The following CEMIP2 variants were observed in gnomAD, a reference collection of about 807,000 sequenced individuals.
CEMIP2 encodes cell surface hyaluronidase CEMIP2.
A neutral mutation model predicts 146.9 loss-of-function variants in CEMIP2; 79 were observed. The ratio of observed to expected loss-of-function variants is 0.54; its 90% CI spans 0.45 to 0.65. The LOEUF is 0.65. CEMIP2 is among the 30% of genes least tolerant of loss of function. CEMIP2 has a pLI of 0.00. For synonymous variants in CEMIP2, 601 were observed against 606.3 expected (o/e 0.99, Z 0.13); for missense variants, 1,596 against 1,696.2 (o/e 0.94, Z 1.04).
In CEMIP2 at chr9:71,718,041, C is replaced by T. The variant is rs533972465; in HGVS notation, c.2306G>A (p.Arg769His). The change falls in exon 13 of 24, where the codon CGT (arginine) becomes CAT (histidine). Residue 769 changes from arginine (R) to histidine (H), a missense_variant. Transcript: ENST00000377044. Reference sequence around the variant, plus strand: ...GAGCCTGTCAATTAGAGCAGCAACACGTGGTTTTTCGGGGTTTGCATCCTG... The same window carrying T: ...GAGCCTGTCAATTAGAGCAGCAACATGTGGTTTTTCGGGGTTTGCATCCTG... ...PHQDANPEKP[R>H]VAALIDRLIA... 9.3e-6 allele frequency: 15 copies of T among 1,612,458 alleles called. No individual in the cohort carries two copies. Among genetic ancestry groups the T allele is most frequent in the Middle Eastern group, 1.7e-4 (1 of 6,012 alleles).
intron 23 of CEMIP2, 117 bp from the exon 24 acceptor site, chr9:71,685,510 C>T (rs1244359960): frequency 1.6e-6 from 2 of 1,225,320 alleles, no homozygotes; most frequent in Middle Eastern, 2.9e-4. Context: ...TATTAAAAAA[C>T]TCTGCACTTC....
At position 71,698,194 on chromosome 9, in the gene CEMIP2, A is replaced by G; in HGVS notation, c.3388T>C (p.Leu1130=). Residue 1130 remains leucine (L), a synonymous_variant, in exon 20 of 24, where the codon TTG becomes CTG. Transcript: ENST00000377044. ...YFDSSTGLLF[L]YLKAKSHRHG... is the part of the protein sequence containing the mutation. ...CTGTGGCTTTTGGCTTTGAGATACA[A>G]AAACAGTAACCTGCACAAAACAGAA... 6.2e-7 allele frequency: 1 copy of G among 1,614,166 alleles called. No homozygotes were observed. The highest frequency in any genetic ancestry group is 8.5e-7 in the Non-Finnish European group (1 of 1,179,992).
chr9:71,745,561 T>A lies in CEMIP2; in HGVS notation c.491A>T (p.Asp164Val), dbSNP rs146439095. The A allele has an allele frequency of 2.6e-3, 4,107 of 1,606,754 alleles. 12 individuals carry two copies. The highest frequency in any genetic ancestry group is 2.9e-3 in the Non-Finnish European group (3,438 of 1,177,600). ...AATATTTCTGGATCCATCTTTATTG[T>A]CCCCAAATACAAGCAGTCCTGCAGG... is the stretch of plus-strand genomic sequence containing the variant. ...IQDGGLLVFG[D>V]NKDGSRNITL... Residue 164 changes from aspartate (D) to valine (V), a missense_variant, in exon 4 of 24, where the codon GAC becomes GTC. Coordinates refer to ENST00000377044, the MANE Select transcript of CEMIP2 (RefSeq NM_013390.3).
intron 10 of CEMIP2, among the ~76,000 whole-genome samples, chr9:71,728,528 G>A (rs2131960533): frequency 6.6e-6 from 1 of 150,816 alleles, no homozygotes; most frequent in East Asian, 2.0e-4. Context: ...AGCAGTTTTA[G>A]TAACACTAAA....
intron 2 of CEMIP2, among the ~76,000 whole-genome samples, chr9:71,748,623 G>C (rs1824156090): frequency 6.6e-6 from 1 of 152,158 alleles, no homozygotes; most frequent in Non-Finnish European, 1.5e-5. Flanking sequence ...CAGTGAACTT[G>C]GTTATTATGA....
At chr9:71,718,250 T>C (rs1405686719) in intron 12 of CEMIP2, among the ~76,000 whole-genome samples, 171 bp from the exon 13 acceptor site, 1 of 152,216 alleles carries the variant, frequency 6.6e-6, no homozygotes, top group Non-Finnish European at 1.5e-5. Flanking sequence ...ATTACATTTA[T>C]TTAACCACAA....
At chr9:71,715,746 A>G (rs1589141098) in intron 14 of CEMIP2, among the ~76,000 whole-genome samples, 1 of 150,312 alleles carries the variant, frequency 6.7e-6, no homozygotes, top group Non-Finnish European at 1.5e-5. Context: ...CTCAGCCTCC[A>G]GAGTAGCTAA....
intron 5 of CEMIP2, 135 bp downstream of exon 5, chr9:71,739,928 C>G: frequency 1.2e-6 from 1 of 816,788 alleles, no homozygotes; most frequent in Admixed American, 2.8e-5. Context: ...AGTAGGAAAA[C>G]TAAGTTTCAA....
At chr9:71,743,890 G>A (rs963679587) in intron 4 of CEMIP2, among the ~76,000 whole-genome samples, 3 of 152,076 alleles carry the variant, frequency 2.0e-5, no homozygotes, top group Admixed American at 1.3e-4. Context: ...TACTATCAAA[G>A]GAAAAAATAG....
chr9:71,690,122 T>A lies in CEMIP2; in HGVS notation c.3821A>T (p.Glu1274Val). 6.2e-7 allele frequency: 1 copy of A among 1,614,154 alleles called. No homozygotes were observed. ...VFPLADVSRI[E>V]EYLKTGIPPR... ...AGGGATGCCTGTTTTTAAATACTCT[T>A]CAATGCGACTGACATCAGCAAGAGG... Residue 1274 changes from glutamate to valine, a missense_variant, in exon 22 of 24, where the codon GAA (glutamate) becomes GTA (valine). Glu to Val is a moderately radical substitution (Grantham distance 121). Coordinates refer to ENST00000377044, the MANE Select transcript of CEMIP2 (RefSeq NM_013390.3).
intron 18 of CEMIP2, among the ~76,000 whole-genome samples, chr9:71,701,063 C>T (rs1169380033): frequency 1.3e-5 from 2 of 152,160 alleles, no homozygotes; most frequent in Non-Finnish European, 2.9e-5. Context: ...AATAGATATA[C>T]AGCAAAAATA....
chr9:71,697,780 AT>A (rs1279776661), intron 20 of CEMIP2: 1 of 547,740 alleles, frequency 1.8e-6, no homozygotes, highest in African/African-American at 1.9e-5. Flanking sequence ...AAACTGACGT[AT>A]CACAGGGGCA....
In CEMIP2 at chr9:71,685,724, A is replaced by G. The variant is rs2310021; in HGVS notation, c.3955+19T>C. 0.79 allele frequency: 1,254,554 copies of G among 1,597,780 alleles called. 495,534 individuals are homozygous for G. The highest frequency in any genetic ancestry group is 1 in the East Asian group (44,654 of 44,758). ...TTGCTGGCCCTGTAAGAACTTCATG[A>G]AATAATACAAATACAAACCTTTGTC... is the stretch of plus-strand genomic sequence containing the variant. On this transcript the variant is annotated intron_variant, in intron 23 of 23. Coordinates refer to ENST00000377044, the MANE Select transcript of CEMIP2 (RefSeq NM_013390.3).
rs779354523 is a variant in CEMIP2 at position 71,730,931 on chromosome 9, T to C, written c.1564-17A>G. The C allele has an allele frequency of 1.2e-5, 20 of 1,607,766 alleles. No homozygotes were observed. In the South Asian group the frequency reaches 2.1e-4, roughly 17 times the overall value. ...TTTCATTATCTGTAAGTCAAGGTAC[T>C]AAAATCAAACTCATACTTTTCAGAA... On this transcript the variant is annotated splice_polypyrimidine_tract_variant and intron_variant, in intron 7 of 23. Transcript: ENST00000377044.
chr9:71,704,042 A>T (rs1208691729), intron 18 of CEMIP2, among the ~76,000 whole-genome samples: 3 of 152,226 alleles, frequency 2.0e-5, no homozygotes, highest in African/African-American at 7.2e-5. Flanking sequence ...CACTTGAATA[A>T]ATCAATTATA....
intron 1 of CEMIP2, among the ~76,000 whole-genome samples, chr9:71,753,685 T>C (rs1824326774): frequency 6.6e-6 from 1 of 152,032 alleles, no homozygotes; most frequent in Non-Finnish European, 1.5e-5. Flanking sequence ...GCTTCCTCAA[T>C]TTATTCAATT....
intron 7 of CEMIP2, among the ~76,000 whole-genome samples, chr9:71,731,488 G>A (rs1279034873): frequency 6.6e-6 from 1 of 152,080 alleles, no homozygotes; most frequent in African/African-American, 2.4e-5. Context: ...TAGCACTTTG[G>A]GAGGCCAAGG....
At chr9:71,692,833 T>C (rs1204426846) in intron 21 of CEMIP2, among the ~76,000 whole-genome samples, 1 of 151,746 alleles carries the variant, frequency 6.6e-6, no homozygotes, top group Non-Finnish European at 1.5e-5. Flanking sequence ...GCCTGGGAGG[T>C]GGAGGGTGCG....
Position 71,734,990 on chromosome 9 carries a change from A to T in CEMIP2, c.1209T>A (p.Val403=). The T allele has an allele frequency of 6.3e-7, 1 of 1,581,764 alleles. No homozygotes were observed. The highest frequency in any genetic ancestry group is 8.6e-7 in the Non-Finnish European group (1 of 1,166,952). Residue 403 remains valine (V), a synonymous_variant, in exon 6 of 24, where the codon GTT becomes GTA. Transcript: ENST00000377044. ...VTAYSEWIEG[V]SLSGFRVEVV... ...CCTCTACCCGGAATCCTGAAAGAGA[A>T]ACGCCTAAACCAAAAAAAAAAAAAA...
Sources: allele counts gnomAD v4.1 joint callset (sites outside exome capture counted in the v4.1 genomes callset), GRCh38; gene constraint gnomAD v4.1.1; transcripts MANE v1.5; gene names NCBI Gene and HGNC (gene_info 2026-07-23, HGNC 2026-07-21).